CARF: variants seen among roughly 807,000 people sequenced by gnomAD.
The protein encoded by CARF is calcium responsive transcription factor.
CARF carries 57 observed loss-of-function variants against 82.0 expected under a neutral mutation model. That is an observed-to-expected ratio of 0.70 (90% CI 0.56 to 0.87). CARF has a LOEUF of 0.87. Ranked by LOEUF, CARF falls within the 40% of genes least tolerant of loss-of-function variation. CARF has a pLI of 0.00. For synonymous variants in CARF, 268 were observed against 290.1 expected, an observed-to-expected ratio of 0.92 and a Z score of 0.77; for missense variants, 771 against 855.8, an observed-to-expected ratio of 0.90 and a Z score of 1.24.
chr2:202,950,610 G>A (rs1559229341), intron 5 of CARF, among the ~76,000 whole-genome samples: 1 of 152,122 alleles, frequency 6.6e-6, no homozygotes, highest in Non-Finnish European at 1.5e-5. Flanking sequence ...CAGAGTGGTA[G>A]TTTGAAGGAG....
At position 202,984,650 on chromosome 2, in the gene CARF, A is replaced by G. The variant is rs1196789876; in HGVS notation, c.*1026A>G. The G allele has an allele frequency of 6.6e-6, 1 of 152,196 alleles. No homozygotes were observed. The highest frequency in any genetic ancestry group is 2.4e-5 in the African/African-American group (1 of 41,456). The allele number at this position is 152,196 out of a possible 1,614,324, so 9.4% of individuals were successfully genotyped here. A position where few individuals can be genotyped will look rare whatever the true frequency, so the allele number is the denominator to read the frequency against. On this transcript the variant is annotated 3_prime_UTR_variant, in exon 17 of 17. Coordinates refer to ENST00000438828, the MANE Select transcript of CARF (RefSeq NM_024744.17). The stretch of plus-strand genomic sequence containing the variant: ...ATTTATAGTTTAAAATTTAGTTTAT[A>G]TTTAAAACTTTAAAACATCTGATCT...
chr2:202,939,914 T>C (rs1462785585), intron 3 of CARF, among the ~76,000 whole-genome samples: 1 of 152,118 alleles, frequency 6.6e-6, no homozygotes, highest in African/African-American at 2.4e-5. Flanking sequence ...GGTCTCAGAT[T>C]CCTGGTGTCA....
Position 202,955,756 on chromosome 2 carries a change from G to A in CARF, c.640G>A (p.Glu214Lys). 1.2e-6 allele frequency: 2 copies of A among 1,607,622 alleles called. No homozygotes were observed. Among genetic ancestry groups the A allele is most frequent in the Non-Finnish European group, 1.7e-6 (2 of 1,176,486 alleles). Residue 214 changes from glutamate (E) to lysine (K), a missense_variant and splice_region_variant, in exon 8 of 17, where the codon GAG (glutamate) becomes AAG (lysine). By Grantham distance (56) the Glu-to-Lys change is moderately conservative (BLOSUM62 1). Coordinates refer to ENST00000438828, the MANE Select transcript of CARF (RefSeq NM_024744.17). The part of the protein sequence containing the change: ...PIWACRLRSC[E>K]KIGDSYRGYC... The stretch of plus-strand genomic sequence containing the variant: ...ATGGGCCTGCCGTCTTAGGAGCTGT[G>A]AGGTGAGTTATAAATAATCATTACC...
At chr2:202,962,615 T>G (rs1270680019) in intron 9 of CARF, 1 of 152,234 alleles carries the variant, frequency 6.6e-6, no homozygotes, top group Admixed American at 6.5e-5. Context: ...ATGTGTATCG[T>G]TCTAGTCTGT....
chr2:202,930,343 G>A (rs1005230351), intron 3 of CARF, among the ~76,000 whole-genome samples: 1 of 152,094 alleles, frequency 6.6e-6, no homozygotes, highest in African/African-American at 2.4e-5. Context: ...CACCACACCT[G>A]GCCTCGTTCA....
intron 9 of CARF, among the ~76,000 whole-genome samples, chr2:202,964,879 ATG>A (rs1216574672): frequency 9.5e-6 from 1 of 105,268 alleles, no homozygotes; most frequent in African/African-American, 2.9e-5. Context: ...ATATACATAT[ATG>A]TGTATATATA....
At chr2:202,972,773 G>T (rs1459714229) in intron 12 of CARF, among the ~76,000 whole-genome samples, 1 of 149,694 alleles carries the variant, frequency 6.7e-6, no homozygotes, top group Non-Finnish European at 1.5e-5. Flanking sequence ...ACTTAGCCTT[G>T]CTCTTACTGA....
At chr2:202,947,247 C>T (rs1442447638) in intron 5 of CARF, among the ~76,000 whole-genome samples, 1 of 152,064 alleles carries the variant, frequency 6.6e-6, no homozygotes, top group African/African-American at 2.4e-5. Flanking sequence ...CAATGATAGA[C>T]TGGATAAAGA....
chr2:202,981,306 C>T (rs931012501), intron 14 of CARF, among the ~76,000 whole-genome samples: 7 of 152,164 alleles, frequency 4.6e-5, no homozygotes, highest in Non-Finnish European at 8.8e-5. Context: ...AGAGCTCACG[C>T]GGTAAGGCTT....
intron 3 of CARF, among the ~76,000 whole-genome samples, chr2:202,931,527 C>G (rs1417707338): frequency 6.6e-6 from 1 of 152,160 alleles, no homozygotes; most frequent in Non-Finnish European, 1.5e-5. Context: ...TAGCGTCATA[C>G]TTCCTTGTGT....
At chr2:202,958,452 A>G (rs1383514821) in intron 8 of CARF, among the ~76,000 whole-genome samples, 2 of 152,116 alleles carry the variant, frequency 1.3e-5, no homozygotes, top group Non-Finnish European at 2.9e-5. Flanking sequence ...AAATCACCTT[A>G]TGTTACAACT....
At chr2:202,914,916 C>T (rs1574433194) in intron 1 of CARF, among the ~76,000 whole-genome samples, 1 of 151,802 alleles carries the variant, frequency 6.6e-6, no homozygotes. Context: ...GAACACCAGC[C>T]TTAGATTTTT....
In CARF at chr2:202,986,868, GTATATATATATATATATATATA is replaced by G. The variant is rs67693134; in HGVS notation, c.*3263_*3284del. ...AAAGAGGTTTAAAAAATGTCTGTGC[GTATATATATATATATATATATA>G]TATATATATATATATATAGCAACTT... On this transcript the variant is annotated 3_prime_UTR_variant, in exon 17 of 17. Coordinates refer to ENST00000438828, the MANE Select transcript of CARF (RefSeq NM_024744.17). 8.8e-4 allele frequency: 26 copies of G among 29,652 alleles called. 1 individual carries two copies. The highest frequency in any genetic ancestry group is 1.9e-3 in the African/African-American group (25 of 13,026). The allele number at this position is 29,652 out of a possible 1,614,324, so 1.8% of individuals were successfully genotyped here.
intron 7 of CARF, among the ~76,000 whole-genome samples, chr2:202,955,467 T>G (rs533390082): frequency 6.6e-5 from 10 of 152,298 alleles, no homozygotes; most frequent in Admixed American, 1.3e-4. Context: ...AAGAAGAAAT[T>G]TAGGTCTTTG....
chr2:202,952,033 A>G (rs2058778342), intron 5 of CARF, among the ~76,000 whole-genome samples: 1 of 152,068 alleles, frequency 6.6e-6, no homozygotes, highest in African/African-American at 2.4e-5. Flanking sequence ...GGGTTTCACC[A>G]TGTTGATCAG....
Position 202,987,486 on chromosome 2 carries a change from A to T in CARF, c.*3862A>T, listed in dbSNP as rs1340332414. On this transcript the variant is annotated 3_prime_UTR_variant, in exon 17 of 17. Coordinates refer to ENST00000438828, the MANE Select transcript of CARF (RefSeq NM_024744.17). ...GCTTAGACATCAAACATCTTAAATG[A>T]TACACTGTTTTAATATCTAAAAATC... Among the ~76,000 whole-genome samples the T allele has an allele frequency of 6.6e-6, 1 of 152,132 alleles. No individual in the cohort carries two copies. The highest frequency in any genetic ancestry group is 1.9e-4 in the East Asian group (1 of 5,200).
In CARF at chr2:202,981,698, T is replaced by C; in HGVS notation, c.1689+13T>C. 7.5e-6 allele frequency: 12 copies of C among 1,604,244 alleles called. No homozygotes were observed. Among genetic ancestry groups the C allele is most frequent in the Non-Finnish European group, 1.0e-5 (12 of 1,175,620 alleles). On this transcript the variant is annotated intron_variant, in intron 15 of 16. Transcript: ENST00000438828. ...TACACAACTACAGGTAGGTATCCAG[T>C]AAAATATCCAAATTTGAGGTCCTTC...
intron 13 of CARF, among the ~76,000 whole-genome samples, chr2:202,975,021 A>G (rs188434325): frequency 6.6e-6 from 1 of 151,932 alleles, no homozygotes; most frequent in Non-Finnish European, 1.5e-5. Context: ...CTCCATAATA[A>G]AAACACTGGC....
chr2:202,982,563 C>A (rs2060310207), intron 16 of CARF, 122 bp downstream of exon 16: 3 of 1,036,158 alleles, frequency 2.9e-6, no homozygotes, highest in South Asian at 1.7e-5. Flanking sequence ...GTAAATGAAG[C>A]AAAATTATGA....
Sources: gnomAD v4.1 joint callset for allele counts (sites outside exome capture counted in the v4.1 genomes callset) on GRCh38, gnomAD v4.1.1 for gene constraint, MANE v1.5 for transcripts, NCBI Gene and HGNC (gene_info 2026-07-23, HGNC 2026-07-21) for gene names.